The following MOCS1 variants were observed in gnomAD, a reference collection of about 807,000 sequenced individuals.
MOCS1 encodes molybdenum cofactor biosynthesis protein 1.
MOCS1 carries 39 observed loss-of-function variants against 57.6 expected under a neutral mutation model. The ratio of observed to expected loss-of-function variants is 0.68; its 90% CI spans 0.52 to 0.88. MOCS1 has a LOEUF of 0.88. Among genes scored for constraint, MOCS1 ranks in the 40% least tolerant of loss-of-function variants. The probability of loss-of-function intolerance (pLI) is 0.00; values close to 1 mark genes in which losing one functional copy is unlikely to be tolerated. For missense variants in MOCS1, 795 were observed against 831.1 expected (o/e 0.96, Z 0.53); for synonymous variants, 334 against 335.7 (o/e 1.00, Z 0.05).
rs1395877148 is a variant in MOCS1, at chr6:39,905,859, A to ACTT, written c.*495_*497dup. 4 of 470,704 alleles carry ACTT rather than the reference A, an allele frequency of 8.5e-6. No homozygotes were observed. The highest frequency in any genetic ancestry group is 2.3e-5 in the Admixed American group (1 of 42,586). The allele number at this position is 470,704 out of a possible 1,614,324, so 29.2% of individuals were successfully genotyped here. On this transcript the variant is annotated 3_prime_UTR_variant, in exon 11 of 11. Transcript: ENST00000340692. ...ACAGGGCAGGGCTGCGGCTTCACAG[A>ACTT]CTTAGGGAGGCAGAGCTGCCGGGGA...
rs1562079280 is a variant in MOCS1 at position 39,905,449 on chromosome 6, T to A, written c.*908A>T. 2.1e-6 allele frequency: 1 copy of A among 470,420 alleles called. No homozygotes were observed. The highest frequency in any genetic ancestry group is 4.4e-6 in the Non-Finnish European group (1 of 226,976). 29.1% of individuals were successfully genotyped at this position (470,420 alleles called of 1,614,324 possible). On this transcript the variant is annotated 3_prime_UTR_variant, in exon 11 of 11. Transcript: ENST00000340692. ...CTTGGGATAGGATTGATTGATTGAT[T>A]GATAGGTGCAGCCTTCCCTGTGAAA...
At chr6:39,913,526 A>T (rs543583919) in intron 5 of MOCS1, 98 bp from the exon 6 acceptor site, 1 of 1,087,536 alleles carries the variant, frequency 9.2e-7, no homozygotes, top group African/African-American at 1.6e-5. Flanking sequence ...CCTTCCACTC[A>T]GGGACCCATT....
chr6:39,911,776 T>C (rs1767344463), intron 8 of MOCS1, among the ~76,000 whole-genome samples: 1 of 152,188 alleles, frequency 6.6e-6, no homozygotes. Context: ...GCAAGGACTC[T>C]CGTGCTGCCA....
chr6:39,906,094 T>C lies in MOCS1; in HGVS notation c.*263A>G, dbSNP rs1378383083. 1 of 654,610 alleles carries C rather than the reference T, an allele frequency of 1.5e-6. No individual in the cohort carries two copies. Among genetic ancestry groups the C allele is most frequent in the Non-Finnish European group, 2.8e-6 (1 of 357,542 alleles). 40.6% of individuals were successfully genotyped at this position (654,610 alleles called of 1,614,324 possible). ...TTTCTCAGTTATCTGGCATTGCTTG[T>C]TGCAGTCCCGCTCCCACGACCTTAG... is the stretch of plus-strand genomic sequence containing the variant. On this transcript the variant is annotated 3_prime_UTR_variant, in exon 11 of 11. Transcript: ENST00000340692.
chr6:39,927,977 C>T (rs1468079306), intron 1 of MOCS1, among the ~76,000 whole-genome samples: 1 of 152,012 alleles, frequency 6.6e-6, no homozygotes, highest in African/African-American at 2.4e-5. Context: ...AACCTGGGTC[C>T]CGACAGATGC....
At position 39,905,303 on chromosome 6, in the gene MOCS1, C is replaced by G; in HGVS notation, c.*1054G>C. The G allele has an allele frequency of 2.2e-6, 1 of 455,520 alleles. No individual in the cohort carries two copies. Among genetic ancestry groups the G allele is most frequent in the South Asian group, 1.5e-5 (1 of 64,518 alleles). The allele number at this position is 455,520 out of a possible 1,614,324, so 28.2% of individuals were successfully genotyped here. ...CTGGCCACCACCTGACAAAAGATTT[C>G]CCTTAGATGGTGCATTTCTATGCCC... On this transcript the variant is annotated 3_prime_UTR_variant, in exon 11 of 11. Transcript: ENST00000340692.
intron 6 of MOCS1, 72 bp downstream of exon 6, chr6:39,913,244 TG>T: frequency 7.6e-7 from 1 of 1,323,230 alleles, no homozygotes; most frequent in Non-Finnish European, 1.1e-6. Flanking sequence ...CCATACCCAG[TG>T]GGTGAGCCAC....
chr6:39,913,565 T>C, intron 5 of MOCS1, 137 bp from the exon 6 acceptor site: 2 of 963,484 alleles, frequency 2.1e-6, no homozygotes, highest in South Asian at 2.7e-5. Context: ...GTTCTCTAAG[T>C]TACGGGATTC....
chr6:39,925,743 C>T lies in MOCS1; in HGVS notation c.353G>A (p.Gly118Asp), dbSNP rs759551454. The T allele has an allele frequency of 1.9e-6, 3 of 1,612,826 alleles. No homozygotes were observed. The highest frequency in any genetic ancestry group is 1.1e-5 in the South Asian group (1 of 91,080). ...ACCTGTGAGCCGGATCTTGTCGATG[C>T]CTTCCTTCACAAAGAGCCGGGCGAG... ...LTLARLFVKE[G>D]IDKIRLTGGE... The change falls in exon 3 of 11, where the codon GGC (glycine) becomes GAC (aspartate). Residue 118 changes from glycine (G) to aspartate (D), a missense_variant. Physicochemically the swap from Gly to Asp is moderately conservative, Grantham distance 94. Transcript: ENST00000340692.
At chr6:39,908,321 G>A (rs572601313) in intron 10 of MOCS1, among the ~76,000 whole-genome samples, 7 of 152,178 alleles carry the variant, frequency 4.6e-5, no homozygotes, top group Non-Finnish European at 1.0e-4. Flanking sequence ...AACTGACTGC[G>A]AGCAAAGGGT....
rs1582803214 is a variant in MOCS1 at position 39,908,945 on chromosome 6, T to C, written c.1150+110A>G. On this transcript the variant is annotated intron_variant, in intron 10 of 10. Coordinates refer to ENST00000340692, the MANE Select transcript of MOCS1 (RefSeq NM_001358530.2). ...AGGAGGAATAGAAGAAAAACAAGGA[T>C]GAGAAATCAGCATGAAATGCAGGAG... is the stretch of plus-strand genomic sequence containing the variant. The C allele has an allele frequency of 5.4e-6, 5 of 919,638 alleles. No individual in the cohort carries two copies. The East Asian group carries it at 1.2e-4, about 22-fold the overall frequency. The allele number at this position is 919,638 out of a possible 1,614,324, so 57.0% of individuals were successfully genotyped here.
chr6:39,929,899 A>G, intron 1 of MOCS1, among the ~76,000 whole-genome samples: 1 of 144,112 alleles, frequency 6.9e-6, no homozygotes, highest in African/African-American at 2.7e-5. Flanking sequence ...CCAAGATCGC[A>G]CCACTGTACT....
intron 1 of MOCS1, chr6:39,927,841 G>T: frequency 9.4e-7 from 1 of 1,065,214 alleles, no homozygotes; most frequent in Non-Finnish European, 1.2e-6. Context: ...GACTGCTGAA[G>T]GCCACAAGCA....
At chr6:39,931,499 C>G (rs550633626) in intron 1 of MOCS1, among the ~76,000 whole-genome samples, 1 of 152,106 alleles carries the variant, frequency 6.6e-6, no homozygotes, top group Non-Finnish European at 1.5e-5. Context: ...TAGCCTAGCT[C>G]GATTCTCCTT....
chr6:39,916,268 C>A (rs771699805), intron 3 of MOCS1, 36 bp from the exon 4 acceptor site: 1 of 1,611,346 alleles, frequency 6.2e-7, no homozygotes, highest in South Asian at 1.1e-5. Context: ...AGACTGCTTG[C>A]TTGTTCTTGG....
rs753353625 is a variant in MOCS1, at chr6:39,913,744, C to T, written c.645+30G>A. On this transcript the variant is annotated intron_variant, in intron 5 of 10. Coordinates refer to ENST00000340692, the MANE Select transcript of MOCS1 (RefSeq NM_001358530.2). The stretch of plus-strand genomic sequence containing the variant: ...AGGCCAGGGCAGTGTGGAGGGAAGT[C>T]GGGAATCTACGGCAGGGGCACGGCC... 2.4e-5 allele frequency: 38 copies of T among 1,612,704 alleles called. 1 individual carries two copies. The highest frequency in any genetic ancestry group is 1.0e-4 in the Admixed American group (6 of 59,992).
rs1767420753 is a variant in MOCS1 at position 39,912,919 on chromosome 6, C to A, written c.843G>T (p.Val281=). 1.2e-6 allele frequency: 2 copies of A among 1,614,184 alleles called. No homozygotes were observed. The highest frequency in any genetic ancestry group is 1.7e-6 in the Non-Finnish European group (2 of 1,180,012). ...TGGCTGTGCTGGATTCCTCCTCTGG[C>A]ACCTTCTCCAGCTCTGGCCACTGCT... is the stretch of plus-strand genomic sequence containing the variant. The part of the protein sequence containing the change: ...VRQQWPELEK[V]PEEESSTAKA... Residue 281 remains valine, a synonymous_variant, in exon 7 of 11, where the codon GTG becomes GTT. Coordinates refer to ENST00000340692, the MANE Select transcript of MOCS1 (RefSeq NM_001358530.2).
intron 1 of MOCS1, 85 bp downstream of exon 1, chr6:39,934,210 G>T: frequency 6.9e-7 from 1 of 1,444,664 alleles, no homozygotes; most frequent in Non-Finnish European, 9.1e-7. Context: ...CAAGCAGATA[G>T]GCCGGGAGCT....
chr6:39,921,576 C>T (rs1767975478), intron 3 of MOCS1, among the ~76,000 whole-genome samples: 1 of 152,078 alleles, frequency 6.6e-6, no homozygotes, highest in African/African-American at 2.4e-5. Context: ...AACTGGAGCC[C>T]ACCAAAAATA....
Sources: gnomAD v4.1 joint callset for allele counts (sites outside exome capture counted in the v4.1 genomes callset) on GRCh38, gnomAD v4.1.1 for gene constraint, MANE v1.5 for transcripts, NCBI Gene and HGNC (gene_info 2026-07-23, HGNC 2026-07-21) for gene names.